Variants in PDZD2 observed in about 807,000 individuals in gnomAD.
PDZD2 encodes the protein PDZ domain-containing protein 2.
Under a neutral mutation model 220.7 loss-of-function variants are expected in PDZD2, and 90 were observed. The ratio of observed to expected loss-of-function variants is 0.41; its 90% confidence interval spans 0.34 to 0.49. The LOEUF is 0.49. Among genes scored for constraint, PDZD2 ranks in the 20% least tolerant of loss-of-function variants. PDZD2 has a pLI of 0.28. For missense variants in PDZD2, 3,174 were observed against 3,608.5 expected (o/e 0.88, Z 3.08); for synonymous variants, 1,375 against 1,450.5 (o/e 0.95, Z 1.18).
intron 1 of PDZD2, among the ~76,000 whole-genome samples, chr5:31,746,296 C>A (rs972491241): frequency 6.6e-6 from 1 of 152,116 alleles, no homozygotes; most frequent in Non-Finnish European, 1.5e-5. Flanking sequence ...CCAGCGAGGG[C>A]AAATCAATGT....
chr5:31,842,703 GTGA>G (rs1757380536), intron 2 of PDZD2, among the ~76,000 whole-genome samples: 1 of 152,158 alleles, frequency 6.6e-6, no homozygotes, highest in Non-Finnish European at 1.5e-5. Flanking sequence ...CCAGATAAAA[GTGA>G]TGATAATACT....
At chr5:31,684,309 T>A (rs1746765241) in intron 1 of PDZD2, among the ~76,000 whole-genome samples, 1 of 152,164 alleles carries the variant, frequency 6.6e-6, no homozygotes, top group Non-Finnish European at 1.5e-5. Flanking sequence ...GATGGTGCCA[T>A]CATCTACCCA....
At position 32,090,283 on chromosome 5, in the gene PDZD2, A is replaced by AGT; in HGVS notation, c.6838_6839dup (p.Lys2281Ter). On this transcript the variant is annotated frameshift_variant, in exon 20 of 25. Coordinates refer to ENST00000438447, the MANE Select transcript of PDZD2 (RefSeq NM_178140.4). LOFTEE classifies it high-confidence loss of function. This position sits in a 1 kb window ranked among gnomAD's most constrained non-coding sequence, Gnocchi z 4.3. ...CCTGGCTAATGGACAGGGCATATAT[A>AGT]GTGTAAAGCCGCTGCTGGACACATC... 6.2e-7 allele frequency: 1 copy of AGT among 1,614,186 alleles called. No homozygotes were observed. The highest frequency in any genetic ancestry group is 8.5e-7 in the Non-Finnish European group (1 of 1,180,020).
intron 19 of PDZD2, among the ~76,000 whole-genome samples, chr5:32,081,458 T>C (rs533922318): frequency 2.6e-5 from 4 of 152,322 alleles, no homozygotes; most frequent in Admixed American, 2.0e-4. Context: ...CTCGTCAGGA[T>C]TGATCGAGTT....
chr5:31,765,126 T>TG (rs1374474016), intron 1 of PDZD2, among the ~76,000 whole-genome samples: 48 of 151,798 alleles, frequency 3.2e-4, no homozygotes, highest in Admixed American at 2.6e-3. Flanking sequence ...GAGACTAAAT[T>TG]GGGGTTCTCA....
intron 7 of PDZD2, among the ~76,000 whole-genome samples, chr5:32,043,259 G>A (rs1237236225): frequency 6.6e-6 from 1 of 152,196 alleles, no homozygotes; most frequent in African/African-American, 2.4e-5. Flanking sequence ...GCTGGCCACT[G>A]TTTGCCACAA....
chr5:32,048,265 T>C (rs369610942), intron 7 of PDZD2, among the ~76,000 whole-genome samples: 2 of 152,232 alleles, frequency 1.3e-5, no homozygotes, highest in African/African-American at 4.8e-5. Context: ...CTACATCTTA[T>C]TGGGAACACA....
chr5:31,882,803 C>T lies in PDZD2; in HGVS notation c.476+83079C>T, dbSNP rs111957445. The stretch of plus-strand genomic sequence containing the variant: ...CAGCACTTTGGGAGGCCGAGGTGGG[C>T]GGATCACTTGAGGCCAGGAGTTGGA... On this transcript the variant is annotated intron_variant, in intron 2 of 24. Transcript: ENST00000438447. Among the ~76,000 whole-genome samples the T allele has an allele frequency of 2.1e-3, 326 of 151,794 alleles. 1 individual carries two copies. The highest frequency in any genetic ancestry group is 7.6e-3 in the African/African-American group (315 of 41,414).
intron 2 of PDZD2, among the ~76,000 whole-genome samples, chr5:31,981,435 C>T (rs1750292926): frequency 6.6e-6 from 1 of 152,198 alleles, no homozygotes; most frequent in African/African-American, 2.4e-5. Context: ...CGCTCCCTTG[C>T]CTGCTACCTA....
At chr5:31,898,067 T>G (rs967703789) in intron 2 of PDZD2, among the ~76,000 whole-genome samples, 3 of 152,108 alleles carry the variant, frequency 2.0e-5, no homozygotes, top group Non-Finnish European at 4.4e-5. Flanking sequence ...TCTCTCCCCG[T>G]CTAGAGGGTG....
intron 1 of PDZD2, among the ~76,000 whole-genome samples, chr5:31,691,504 GCCAC>G: frequency 6.6e-6 from 1 of 150,600 alleles, no homozygotes; most frequent in South Asian, 2.1e-4. Context: ...CTTATCTGGC[GCCAC>G]CTGCTTTTAT....
At position 32,074,583 on chromosome 5, in the gene PDZD2, C is replaced by T. The variant is rs761532900; in HGVS notation, c.3477C>T (p.Val1159=). The T allele has an allele frequency of 1.9e-6, 3 of 1,613,572 alleles. No homozygotes were observed. The highest frequency in any genetic ancestry group is 2.5e-6 in the Non-Finnish European group (3 of 1,179,902). ...ATCCATGCGATCTGGACTCGAGAGT[C>T]CAGGCCACTTCTGTCAAAGTGACTG... ...ANDPCDLDSR[V]QATSVKVTVA... is the part of the protein sequence containing the mutation. The change falls in exon 18 of 25, where the codon GTC becomes GTT. Residue 1159 remains valine, a synonymous_variant. Transcript: ENST00000438447.
chr5:32,065,298 C>CAA (rs1019196082), intron 14 of PDZD2, among the ~76,000 whole-genome samples: 20 of 152,152 alleles, frequency 1.3e-4, no homozygotes, highest in African/African-American at 4.6e-4. Flanking sequence ...GACTTTGTCT[C>CAA]AAAAAACAAA....
intron 7 of PDZD2, among the ~76,000 whole-genome samples, chr5:32,041,231 G>A (rs1355082015): frequency 3.5e-4 from 49 of 141,866 alleles, no homozygotes; most frequent in African/African-American, 1.2e-3. Context: ...GCCTCTGCCC[G>A]GCCGCCCATC....
At chr5:31,738,124 C>A (rs963297592) in intron 1 of PDZD2, 1 of 152,190 alleles carries the variant, frequency 6.6e-6, no homozygotes, top group African/African-American at 2.4e-5. Context: ...GAATTTTTCC[C>A]AGAATCGTTT....
intron 2 of PDZD2, among the ~76,000 whole-genome samples, chr5:31,928,367 A>G (rs1744973791): frequency 6.6e-6 from 1 of 152,206 alleles, no homozygotes; most frequent in Admixed American, 6.5e-5. Flanking sequence ...ATTTGACCAC[A>G]GAGTTAAGGA....
chr5:31,862,893 A>AT (rs974740535), intron 2 of PDZD2, among the ~76,000 whole-genome samples: 4 of 151,886 alleles, frequency 2.6e-5, no homozygotes, highest in African/African-American at 4.8e-5. Context: ...CGCCCAGCTA[A>AT]TTTTTTTGTA....
rs768132692 is a variant in PDZD2 at position 32,087,126 on chromosome 5, C to A, written c.3683-5C>A. ...ATGTACCTTCTGTTTACGTTCCCCA[C>A]GTAGAACTGGACAGCTCCTCAGACC... On this transcript the variant is annotated splice_polypyrimidine_tract_variant and splice_region_variant and intron_variant, in intron 19 of 24. Transcript: ENST00000438447. The surrounding 1 kb of genome is among the most constrained non-coding windows in gnomAD (Gnocchi z 4.0). 1.3e-6 allele frequency: 2 copies of A among 1,580,028 alleles called. No homozygotes were observed. Among genetic ancestry groups the A allele is most frequent in the Admixed American group, 3.4e-5 (2 of 59,620 alleles).
intron 19 of PDZD2, among the ~76,000 whole-genome samples, chr5:32,080,060 T>A (rs1201513851): frequency 6.6e-6 from 1 of 151,252 alleles, no homozygotes. Flanking sequence ...TAAAAAGGGT[T>A]CTATTTGGCC....
Sources: allele counts gnomAD v4.1 joint callset (sites outside exome capture counted in the v4.1 genomes callset), GRCh38; gene constraint gnomAD v4.1.1; non-coding constraint Gnocchi (gnomAD v3.1); transcripts MANE v1.5; gene names NCBI Gene and HGNC (gene_info 2026-07-23, HGNC 2026-07-21).